PPFIA2: variants seen among roughly 807,000 people sequenced by gnomAD.
The protein encoded by PPFIA2 is liprin-alpha-2.
A neutral mutation model predicts 175.5 loss-of-function variants in PPFIA2; 46 were observed. The observed-to-expected ratio is 0.26, with a 90% CI of 0.21 to 0.34. The LOEUF is 0.34. PPFIA2 is among the 10% of genes least tolerant of loss of function. PPFIA2 has a pLI of 1.00. For missense variants in PPFIA2, 1,179 were observed against 1,506.1 expected (o/e 0.78, Z 3.60); for synonymous variants, 568 against 511.4 (o/e 1.11, Z -1.49).
intron 19 of PPFIA2, among the ~76,000 whole-genome samples, chr12:81,344,427 T>G (rs953790953): frequency 6.6e-6 from 1 of 151,032 alleles, no homozygotes; most frequent in Non-Finnish European, 1.5e-5. Context: ...GTTTAAATAT[T>G]CAATGGAAAA....
chr12:81,297,026 C>G (rs928120161), intron 23 of PPFIA2, among the ~76,000 whole-genome samples: 2 of 152,178 alleles, frequency 1.3e-5, no homozygotes, highest in African/African-American at 4.8e-5. Flanking sequence ...GTCTCTTTCC[C>G]TCTGAGCTCT....
intron 4 of PPFIA2, among the ~76,000 whole-genome samples, chr12:81,593,203 C>A (rs1272381420): frequency 2.0e-5 from 3 of 151,966 alleles, no homozygotes; most frequent in Admixed American, 6.6e-5. Context: ...ATAAGAAAAA[C>A]CCCAATTAAT....
intron 4 of PPFIA2, among the ~76,000 whole-genome samples, chr12:81,580,386 C>A (rs1468289776): frequency 6.6e-6 from 1 of 151,550 alleles, no homozygotes; most frequent in Non-Finnish European, 1.5e-5. Flanking sequence ...TATAAGGATT[C>A]CATACTAATA....
chr12:81,580,276 C>T (rs1299309297), intron 4 of PPFIA2, among the ~76,000 whole-genome samples: 2 of 151,658 alleles, frequency 1.3e-5, no homozygotes, highest in East Asian at 3.9e-4. Context: ...CCTATCTGCC[C>T]CATTTTACAG....
At chr12:81,738,734 C>T (rs1249928140) in intron 3 of PPFIA2, among the ~76,000 whole-genome samples, 2 of 150,182 alleles carry the variant, frequency 1.3e-5, no homozygotes, top group Non-Finnish European at 3.0e-5. Flanking sequence ...AGACTAAATA[C>T]AAATATACAA....
intron 8 of PPFIA2, among the ~76,000 whole-genome samples, chr12:81,402,132 GC>G (rs1202677329): frequency 4.0e-5 from 6 of 151,858 alleles, no homozygotes; most frequent in African/African-American, 1.5e-4. Context: ...TGTAACTTAA[GC>G]AAATTAACTG....
chr12:81,527,673 G>T (rs191603027), intron 4 of PPFIA2, among the ~76,000 whole-genome samples: 11 of 152,042 alleles, frequency 7.2e-5, no homozygotes, highest in African/African-American at 2.7e-4. Flanking sequence ...ATTTCTGATG[G>T]ACTGAATTCT....
intron 8 of PPFIA2, among the ~76,000 whole-genome samples, chr12:81,395,038 A>G (rs973105272): frequency 5.3e-5 from 8 of 152,036 alleles, no homozygotes; most frequent in Non-Finnish European, 1.2e-4. Context: ...CTGAAAAGGA[A>G]GAGAAGAGAA....
intron 25 of PPFIA2, 89 bp downstream of exon 25, chr12:81,284,152 C>A: frequency 9.7e-7 from 1 of 1,034,758 alleles, no homozygotes; most frequent in Non-Finnish European, 1.5e-6. Context: ...CACCCTATTA[C>A]TCTGGTCTAT....
At chr12:81,327,840 A>G (rs1481058819) in intron 21 of PPFIA2, among the ~76,000 whole-genome samples, 1 of 152,174 alleles carries the variant, frequency 6.6e-6, no homozygotes, top group South Asian at 2.1e-4. Context: ...TTATTTTCTC[A>G]TAACTATAAA....
At chr12:81,321,492 A>C (rs1282974182) in intron 22 of PPFIA2, among the ~76,000 whole-genome samples, 3 of 152,184 alleles carry the variant, frequency 2.0e-5, no homozygotes, top group African/African-American at 4.8e-5. Context: ...CAAATTTATC[A>C]AATTATAATA....
intron 3 of PPFIA2, among the ~76,000 whole-genome samples, chr12:81,677,874 T>C (rs546186782): frequency 6.6e-6 from 1 of 152,046 alleles, no homozygotes; most frequent in African/African-American, 2.4e-5. Flanking sequence ...AACTCAGCCC[T>C]ATCAGTTCTA....
intron 8 of PPFIA2, among the ~76,000 whole-genome samples, chr12:81,394,465 C>CG (rs530045732): frequency 6.8e-6 from 1 of 146,392 alleles, no homozygotes; most frequent in Admixed American, 6.8e-5. Context: ...ATCATGCATA[C>CG]AAAAAAAAAA....
At chr12:81,300,849 T>C (rs2047645954) in intron 22 of PPFIA2, among the ~76,000 whole-genome samples, 1 of 152,154 alleles carries the variant, frequency 6.6e-6, no homozygotes, top group African/African-American at 2.4e-5. Flanking sequence ...ACAAATAACC[T>C]ATTAGGTACT....
chr12:81,376,857 A>G (rs543604528), intron 9 of PPFIA2, among the ~76,000 whole-genome samples: 1 of 152,138 alleles, frequency 6.6e-6, no homozygotes, highest in Non-Finnish European at 1.5e-5. Context: ...TTCATCACTT[A>G]TTCTTAATCA....
At chr12:81,429,948 G>A (rs947551337) in intron 7 of PPFIA2, 10 of 151,998 alleles carry the variant, frequency 6.6e-5, no homozygotes, top group East Asian at 1.9e-4. Context: ...ATGTTGTCTC[G>A]TTTACAGTCT....
chr12:81,439,822 C>A, intron 7 of PPFIA2, 150 bp downstream of exon 7: 1 of 685,584 alleles, frequency 1.5e-6, no homozygotes, highest in Non-Finnish European at 2.4e-6. Flanking sequence ...AAACAAGACT[C>A]CGGCAACTAA....
chr12:81,736,959 G>T (rs188678515), intron 3 of PPFIA2, among the ~76,000 whole-genome samples: 2 of 152,028 alleles, frequency 1.3e-5, no homozygotes, highest in African/African-American at 4.8e-5. Flanking sequence ...TGCCCATGCT[G>T]GTATCAGGCT....
chr12:81,635,920 T>TCACACACACA (rs3220848), intron 4 of PPFIA2, among the ~76,000 whole-genome samples: 1 of 150,734 alleles, frequency 6.6e-6, no homozygotes, highest in Admixed American at 6.6e-5. Context: ...TCTCTCTCTC[T>TCACACACACA]CACACACACA....
Sources: gnomAD v4.1 joint callset for allele counts (sites outside exome capture counted in the v4.1 genomes callset) on GRCh38, gnomAD v4.1.1 for gene constraint, MANE v1.5 for transcripts, NCBI Gene and HGNC (gene_info 2026-07-23, HGNC 2026-07-21) for gene names.